Variants in GNA12 observed in about 807,000 individuals in gnomAD.
GNA12 encodes G protein subunit alpha 12, also known as guanine nucleotide-binding protein subunit alpha-12.
In GNA12, 9 loss-of-function variants were observed where a neutral mutation model predicts 26.0. That is an observed-to-expected ratio of 0.35 (90% CI 0.21 to 0.60). The LOEUF (loss-of-function observed/expected upper bound fraction) is 0.60. GNA12 is among the 20% of genes least tolerant of loss of function. The probability of loss-of-function intolerance (pLI) is 0.78; values close to 1 mark genes in which losing one functional copy is unlikely to be tolerated. For synonymous variants in GNA12, 264 were observed against 219.6 expected (o/e 1.20, Z -1.79); for missense variants, 405 against 525.8 (o/e 0.77, Z 2.25).
intron 2 of GNA12, among the ~76,000 whole-genome samples, chr7:2,778,692 G>A (rs966995820): frequency 2.0e-5 from 3 of 152,242 alleles, no homozygotes; most frequent in South Asian, 2.1e-4. Flanking sequence ...TACTTGCTAA[G>A]CATGGTGCTA....
chr7:2,765,566 G>A (rs1309931187), intron 2 of GNA12, among the ~76,000 whole-genome samples: 1 of 151,848 alleles, frequency 6.6e-6, no homozygotes, highest in Non-Finnish European at 1.5e-5. Context: ...TTCAATTAAA[G>A]GTAAAGAAAA....
At chr7:2,743,573 A>T (rs138521021) in intron 2 of GNA12, among the ~76,000 whole-genome samples, 2,222 of 152,338 alleles carry the variant, frequency 0.015, 67 homozygotes, top group African/African-American at 0.051. Flanking sequence ...AAGATGGCCG[A>T]ATAGGAACAG....
At chr7:2,815,472 T>C (rs1234260788) in intron 1 of GNA12, among the ~76,000 whole-genome samples, 1 of 152,124 alleles carries the variant, frequency 6.6e-6, no homozygotes, top group Non-Finnish European at 1.5e-5. Context: ...TGCAGGGCTA[T>C]ATTGGCGGCC....
At chr7:2,806,802 G>A (rs944349338) in intron 1 of GNA12, among the ~76,000 whole-genome samples, 9 of 152,084 alleles carry the variant, frequency 5.9e-5, no homozygotes, top group African/African-American at 1.7e-4. Context: ...GCTGGACATC[G>A]GAATTCTTTC....
At chr7:2,797,363 C>A (rs2115461284) in intron 1 of GNA12, among the ~76,000 whole-genome samples, 1 of 152,114 alleles carries the variant, frequency 6.6e-6, no homozygotes, top group South Asian at 2.1e-4. Context: ...AGGCTAGTCT[C>A]AAACTCCTGA....
At chr7:2,797,623 C>T (rs769158951) in intron 1 of GNA12, among the ~76,000 whole-genome samples, 2 of 152,184 alleles carry the variant, frequency 1.3e-5, no homozygotes, top group Non-Finnish European at 2.9e-5. Context: ...CATCTCTCTC[C>T]TGCAGCATCA....
At chr7:2,815,372 G>T in intron 1 of GNA12, 1 of 189,138 alleles carries the variant, frequency 5.3e-6, no homozygotes, top group Non-Finnish European at 1.1e-5. Context: ...TCTCACGCAC[G>T]AAGACCCTGA....
At chr7:2,820,243 A>T (rs1198639558) in intron 1 of GNA12, among the ~76,000 whole-genome samples, 2 of 152,154 alleles carry the variant, frequency 1.3e-5, no homozygotes, top group Admixed American at 6.6e-5. Flanking sequence ...CAGGAGGAAA[A>T]TGTGCAGTGG....
intron 1 of GNA12, among the ~76,000 whole-genome samples, chr7:2,843,562 G>A (rs1056086211): frequency 6.6e-6 from 1 of 152,042 alleles, no homozygotes; most frequent in Non-Finnish European, 1.5e-5. Context: ...AGGGAGTAGG[G>A]CTTGAGCCTG....
intron 2 of GNA12, among the ~76,000 whole-genome samples, chr7:2,754,860 C>G (rs190040937): frequency 6.6e-6 from 1 of 152,350 alleles, no homozygotes. Context: ...AAGAATTCTT[C>G]ACCAAGTTCT....
chr7:2,799,699 C>T (rs1792762547), intron 1 of GNA12, among the ~76,000 whole-genome samples: 1 of 151,988 alleles, frequency 6.6e-6, no homozygotes, highest in Admixed American at 6.6e-5. Flanking sequence ...AGAAAATGGG[C>T]AAGACATGAT....
intron 2 of GNA12, among the ~76,000 whole-genome samples, chr7:2,758,410 G>C (rs208348): frequency 0.93 from 141,363 of 152,266 alleles, 65,733 homozygotes; most frequent in East Asian, 1. Context: ...AGGGCAGACA[G>C]TGTCTCAGCA....
At chr7:2,765,556 T>G (rs769689592) in intron 2 of GNA12, among the ~76,000 whole-genome samples, 1 of 152,080 alleles carries the variant, frequency 6.6e-6, no homozygotes, top group Non-Finnish European at 1.5e-5. Flanking sequence ...GACTCCAACA[T>G]TCAATTAAAG....
At chr7:2,815,197 T>G in intron 1 of GNA12, 1 of 421,538 alleles carries the variant, frequency 2.4e-6, no homozygotes, top group Non-Finnish European at 4.4e-6. Flanking sequence ...GGTCCGGCAC[T>G]GTGAGTGTGC....
At chr7:2,807,963 A>T (rs1562439279) in intron 1 of GNA12, among the ~76,000 whole-genome samples, 1 of 152,226 alleles carries the variant, frequency 6.6e-6, no homozygotes, top group Non-Finnish European at 1.5e-5. Flanking sequence ...ACGATGAATT[A>T]TTAGGTGAAA....
At chr7:2,803,097 G>GC (rs1792852813) in intron 1 of GNA12, among the ~76,000 whole-genome samples, 3 of 98,054 alleles carry the variant, frequency 3.1e-5, no homozygotes, top group Non-Finnish European at 7.4e-5. Context: ...TAACGAATGG[G>GC]GAAAACCCAA....
chr7:2,812,898 T>C (rs1287591994), intron 1 of GNA12, among the ~76,000 whole-genome samples: 1 of 152,180 alleles, frequency 6.6e-6, no homozygotes, highest in Admixed American at 6.5e-5. Context: ...GATAAACACA[T>C]ATATAAAATC....
At position 2,731,085 on chromosome 7, in the gene GNA12, A is replaced by C; in HGVS notation, c.*96T>G. On this transcript the variant is annotated 3_prime_UTR_variant, in exon 4 of 4. Coordinates refer to ENST00000275364, the MANE Select transcript of GNA12 (RefSeq NM_007353.3). The surrounding 1 kb of genome is among the most constrained non-coding windows in gnomAD (Gnocchi z 6.0). ...GGTATTCCAGGGCACGGATCCGAGA[A>C]ACCCACTCAAGGACCACACAGACAA... is the stretch of plus-strand genomic sequence containing the variant. 1 of 804,856 alleles carries C rather than the reference A, an allele frequency of 1.2e-6. No individual in the cohort carries two copies. Among genetic ancestry groups the C allele is most frequent in the Admixed American group, 2.4e-5 (1 of 41,586 alleles). 49.9% of individuals were successfully genotyped at this position (804,856 alleles called of 1,614,324 possible).
intron 1 of GNA12, among the ~76,000 whole-genome samples, chr7:2,829,220 G>C (rs1160057807): frequency 6.6e-6 from 1 of 152,226 alleles, no homozygotes; most frequent in Non-Finnish European, 1.5e-5. Context: ...CCCTGCCCCA[G>C]GCAGTTTAAA....
Sources: gnomAD v4.1 joint callset for allele counts (sites outside exome capture counted in the v4.1 genomes callset) on GRCh38, gnomAD v4.1.1 for gene constraint, Gnocchi (gnomAD v3.1) non-coding constraint, MANE v1.5 for transcripts, NCBI Gene and HGNC (gene_info 2026-07-23, HGNC 2026-07-21) for gene names.